PIK3R5: variants seen among roughly 807,000 people sequenced by gnomAD.
PIK3R5 encodes phosphoinositide-3-kinase regulatory subunit 5, also known as phosphoinositide 3-kinase regulatory subunit 5.
A neutral mutation model predicts 94.9 loss-of-function variants in PIK3R5; 32 were observed. The ratio of observed to expected loss-of-function variants is 0.34; its 90% confidence interval spans 0.25 to 0.45. The LOEUF (loss-of-function observed/expected upper bound fraction) is 0.45. PIK3R5 is among the 20% of genes least tolerant of loss of function. The probability of loss-of-function intolerance (pLI) is 1.00; values close to 1 mark genes in which losing one functional copy is unlikely to be tolerated. For missense variants in PIK3R5, 853 were observed against 1,144.6 expected (o/e 0.75, Z 3.68); for synonymous variants, 443 against 479.4 (o/e 0.92, Z 0.99).
At chr17:8,905,826 C>T in intron 3 of PIK3R5, 89 bp from the exon 4 acceptor site, 1 of 666,826 alleles carries the variant, frequency 1.5e-6, no homozygotes, top group Non-Finnish European at 2.3e-6. Flanking sequence ...CTCATTCTAG[C>T]CTTTCTTTTT....
Position 8,887,121 on chromosome 17 carries a change from T to C in PIK3R5, c.1880A>G (p.His627Arg). 6.2e-7 allele frequency: 1 copy of C among 1,613,978 alleles called. No individual in the cohort carries two copies. The highest frequency in any genetic ancestry group is 8.5e-7 in the Non-Finnish European group (1 of 1,179,986). The change falls in exon 12 of 19, where the codon CAC becomes CGC. Residue 627 changes from histidine (H) to arginine (R), a missense_variant. By Grantham distance (29) the His-to-Arg change is conservative. Transcript: ENST00000447110. ...CTGGCACAGGACTTCAGGGGGCAGG[T>C]GCATGAGGCCCAGTACATTGCGCTC... Reference protein sequence around the residue: ...WYERNVLGLMHLPPEVLCQQS... With the variant: ...WYERNVLGLMRLPPEVLCQQS...
intron 1 of PIK3R5, among the ~76,000 whole-genome samples, chr17:8,928,756 A>C (rs758410238): frequency 2.6e-5 from 4 of 152,236 alleles, no homozygotes; most frequent in Non-Finnish European, 5.9e-5. Flanking sequence ...GAATGGCCAA[A>C]GGAAATTCTC....
rs2089748225 is a variant in PIK3R5 at position 8,884,045 on chromosome 17, C to T, written c.2205+662G>A. Among the ~76,000 whole-genome samples, 1 of 152,186 alleles carries T rather than the reference C, an allele frequency of 6.6e-6. No homozygotes were observed. Among genetic ancestry groups the T allele is most frequent in the South Asian group, 2.1e-4 (1 of 4,832 alleles). On this transcript the variant is annotated intron_variant, in intron 15 of 18. Transcript: ENST00000447110. This position sits in a 1 kb window ranked among gnomAD's most constrained non-coding sequence, Gnocchi z 5.8. Reference sequence around the variant, plus strand: ...ATTATCTTGGCTATTTCTTTGTTTCCTCGTTTCTTGTCTGTCTCCCTCCTC... The same window carrying T: ...ATTATCTTGGCTATTTCTTTGTTTCTTCGTTTCTTGTCTGTCTCCCTCCTC...
intron 1 of PIK3R5, among the ~76,000 whole-genome samples, chr17:8,912,943 G>A (rs541020691): frequency 6.6e-5 from 10 of 152,300 alleles, no homozygotes; most frequent in East Asian, 3.9e-4. Context: ...CGCAGGAAGC[G>A]GCACACGCAC....
intron 1 of PIK3R5, among the ~76,000 whole-genome samples, chr17:8,924,586 C>A (rs1444647781): frequency 6.6e-6 from 1 of 152,132 alleles, no homozygotes; most frequent in African/African-American, 2.4e-5. Flanking sequence ...GAGTGATAAA[C>A]CATTTACCAC....
chr17:8,888,440 C>T lies in PIK3R5; in HGVS notation c.1347G>A (p.Thr449=), dbSNP rs778905637. The T allele has an allele frequency of 3.5e-5, 56 of 1,598,526 alleles. No individual in the cohort carries two copies. Among genetic ancestry groups the T allele is most frequent in the East Asian group, 2.3e-4 (10 of 44,284 alleles). The change falls in exon 10 of 19, where the codon ACG becomes ACA. Residue 449 remains threonine (T), a synonymous_variant. Coordinates refer to ENST00000447110, the MANE Select transcript of PIK3R5 (RefSeq NM_001142633.3). This position sits in a 1 kb window ranked among gnomAD's most constrained non-coding sequence, Gnocchi z 7.8. The part of the protein sequence containing the change: ...DSRSLEGSSD[T]ALPLRRAGSL... ...TCCCTGCCCGCCTCAGGGGCAGGGC[C>T]GTGTCCGAGCTGCCCTCCAGGCTCC...
chr17:8,907,221 T>TG (rs1480626254), intron 3 of PIK3R5, among the ~76,000 whole-genome samples: 1 of 151,234 alleles, frequency 6.6e-6, no homozygotes, highest in Non-Finnish European at 1.5e-5. Context: ...TTAGTAGAGA[T>TG]GGGGTCTCAC....
chr17:8,947,916 G>A (rs1037343671), intron 1 of PIK3R5, among the ~76,000 whole-genome samples: 5 of 151,708 alleles, frequency 3.3e-5, no homozygotes, highest in South Asian at 2.1e-4. Flanking sequence ...GGTGGCGGGC[G>A]CCTGTAGTCC....
intron 1 of PIK3R5, among the ~76,000 whole-genome samples, chr17:8,946,417 T>A (rs373460653): frequency 2.8e-4 from 42 of 151,960 alleles, no homozygotes; most frequent in African/African-American, 9.7e-4. Context: ...CAGGCACCTA[T>A]GAAAACTACT....
rs1176483192 is a variant in PIK3R5 at position 8,887,087 on chromosome 17, G to A, written c.1905+9C>T. Reference sequence around the variant, plus strand: ...GTGGACCCTGTTCCGCAACCACGGGGCCACTTACCTGGCACAGGACTTCAG... The same window carrying A: ...GTGGACCCTGTTCCGCAACCACGGGACCACTTACCTGGCACAGGACTTCAG... On this transcript the variant is annotated intron_variant, in intron 12 of 18. Transcript: ENST00000447110. 3 of 1,613,822 alleles carry A rather than the reference G, an allele frequency of 1.9e-6. No homozygotes were observed. The highest frequency in any genetic ancestry group is 8.5e-7 in the Non-Finnish European group (1 of 1,179,914).
Position 8,958,762 on chromosome 17 carries a change from T to C in PIK3R5, c.-14+6834A>G, listed in dbSNP as rs200921355. 1.8e-4 allele frequency among the ~76,000 whole-genome samples: 27 copies of C among 148,798 alleles called. No individual in the cohort carries two copies. In the East Asian group the frequency reaches 3.7e-3, roughly 20 times the overall value. On this transcript the variant is annotated intron_variant, in intron 1 of 18. Transcript: ENST00000447110. ...GACACCTTTTTTTTTCTCTCTCTCT[T>C]TTTTTTTTTTTCTGAGATGAAGTTT...
In PIK3R5 at chr17:8,887,142, C is replaced by A; in HGVS notation, c.1859G>T (p.Arg620Leu). 6.2e-7 allele frequency: 1 copy of A among 1,614,026 alleles called. No individual in the cohort carries two copies. The highest frequency in any genetic ancestry group is 8.5e-7 in the Non-Finnish European group (1 of 1,180,012). ...CAGGTGCATGAGGCCCAGTACATTG[C>A]GCTCATACCAGGGGTCCAGCATGCC... ...YLGMLDPWYE[R>L]NVLGLMHLPP... Residue 620 changes from arginine (R) to leucine (L), a missense_variant, in exon 12 of 19, where the codon CGC (arginine) becomes CTC (leucine). Coordinates refer to ENST00000447110, the MANE Select transcript of PIK3R5 (RefSeq NM_001142633.3).
intron 1 of PIK3R5, among the ~76,000 whole-genome samples, chr17:8,940,500 A>G (rs2091157814): frequency 6.6e-6 from 1 of 152,172 alleles, no homozygotes; most frequent in Non-Finnish European, 1.5e-5. Flanking sequence ...GATCCCATAC[A>G]CAAAACGACC....
At chr17:8,943,415 A>G (rs1375708084) in intron 1 of PIK3R5, among the ~76,000 whole-genome samples, 1 of 152,116 alleles carries the variant, frequency 6.6e-6, no homozygotes, top group African/African-American at 2.4e-5. Context: ...CATATTAAAC[A>G]TGAGAAGATA....
Position 8,881,573 on chromosome 17 carries a change from A to G in PIK3R5, c.2382+57T>C. 1.5e-6 allele frequency: 2 copies of G among 1,355,828 alleles called. 1 individual carries two copies. The allele number at this position is 1,355,828 out of a possible 1,614,324, so 84.0% of individuals were successfully genotyped here. A position where few individuals can be genotyped will look rare whatever the true frequency, so the allele number is the denominator to read the frequency against. ...CACACACACGTACACACATACGCAC[A>G]TGCACGCTCCAGTAAGTCTCTTGAG... On this transcript the variant is annotated intron_variant, in intron 17 of 18. Coordinates refer to ENST00000447110, the MANE Select transcript of PIK3R5 (RefSeq NM_001142633.3). This position sits in a 1 kb window ranked among gnomAD's most constrained non-coding sequence, Gnocchi z 4.8.
At chr17:8,929,624 A>T (rs879601026) in intron 1 of PIK3R5, among the ~76,000 whole-genome samples, 3 of 152,242 alleles carry the variant, frequency 2.0e-5, no homozygotes, top group African/African-American at 4.8e-5. Context: ...AATGCTATAC[A>T]GCCAAAAAAA....
At chr17:8,899,910 C>T (rs528248084) in intron 5 of PIK3R5, among the ~76,000 whole-genome samples, 28 of 152,108 alleles carry the variant, frequency 1.8e-4, no homozygotes, top group East Asian at 9.7e-4. Context: ...TGGTGGTGCA[C>T]GCCTGTAGTC....
intron 1 of PIK3R5, among the ~76,000 whole-genome samples, chr17:8,956,281 C>G (rs1054608254): frequency 7.3e-5 from 11 of 151,610 alleles, no homozygotes; most frequent in African/African-American, 2.7e-4. Context: ...CACCAGTGAC[C>G]TGAAAGGAAG....
chr17:8,939,791 G>A (rs189515210), intron 1 of PIK3R5, among the ~76,000 whole-genome samples: 49 of 152,304 alleles, frequency 3.2e-4, no homozygotes, highest in Non-Finnish European at 6.3e-4. Context: ...GAATGGGAAC[G>A]TGGCCCCTCC....
Sources: allele counts gnomAD v4.1 joint callset (sites outside exome capture counted in the v4.1 genomes callset), GRCh38; gene constraint gnomAD v4.1.1; non-coding constraint Gnocchi (gnomAD v3.1); transcripts MANE v1.5; gene names NCBI Gene and HGNC (gene_info 2026-07-23, HGNC 2026-07-21).